The following ERI3 variants were observed in gnomAD, a reference collection of about 807,000 sequenced individuals.
ERI3 encodes ERI1 exoribonuclease 3.
ERI3 carries 18 observed loss-of-function variants against 44.4 expected under a neutral mutation model. The ratio of observed to expected loss-of-function variants is 0.41; its 90% CI spans 0.28 to 0.60. ERI3 has a LOEUF of 0.60. ERI3 is among the 20% of genes least tolerant of loss of function. The pLI is 0.36. For synonymous variants in ERI3, 183 were observed against 164.8 expected (o/e 1.11, Z -0.84); for missense variants, 294 against 435.5 (o/e 0.68, Z 2.89).
At chr1:44,296,993 C>T (rs1447937672) in intron 6 of ERI3, among the ~76,000 whole-genome samples, 1 of 152,200 alleles carries the variant, frequency 6.6e-6, no homozygotes, top group Non-Finnish European at 1.5e-5. Context: ...TGTTTGCAGT[C>T]AGCACCGTGA....
At chr1:44,298,141 T>C (rs534942951) in intron 6 of ERI3, among the ~76,000 whole-genome samples, 1 of 152,340 alleles carries the variant, frequency 6.6e-6, no homozygotes, top group Non-Finnish European at 1.5e-5. Flanking sequence ...TCTGGGAAGT[T>C]TTCTTTCTTT....
At chr1:44,300,793 C>T (rs959823773) in intron 6 of ERI3, among the ~76,000 whole-genome samples, 3 of 152,182 alleles carry the variant, frequency 2.0e-5, no homozygotes, top group Non-Finnish European at 2.9e-5. Context: ...CAGGCAGAGG[C>T]GGAGCACCCC....
chr1:44,310,963 G>GCGCGTGCGCGCGCGCACACACACACACA (rs1373873768), intron 5 of ERI3, among the ~76,000 whole-genome samples: 1 of 123,202 alleles, frequency 8.1e-6, no homozygotes, highest in Non-Finnish European at 1.7e-5. Flanking sequence ...GCGCGCGCGC[G>GCGCGTGCGCGCGCGCACACACACACACA]CACACACACA....
chr1:44,337,264 AG>A (rs1243906717), intron 3 of ERI3, among the ~76,000 whole-genome samples: 3 of 152,268 alleles, frequency 2.0e-5, no homozygotes, highest in African/African-American at 7.2e-5. Context: ...ATGAGGGATC[AG>A]AAGAGGGATG....
At chr1:44,350,157 G>C (rs1417697741) in intron 2 of ERI3, among the ~76,000 whole-genome samples, 2 of 152,176 alleles carry the variant, frequency 1.3e-5, no homozygotes, top group East Asian at 3.8e-4. Context: ...TACAGTTCAA[G>C]AAGTTCGAAT....
In ERI3 at chr1:44,313,258, A is replaced by G. The variant is rs754023077; in HGVS notation, c.607-30T>C. 2.5e-6 allele frequency: 4 copies of G among 1,611,260 alleles called. No individual in the cohort carries two copies. The South Asian group carries it at 4.4e-5, about 18-fold the overall frequency. On this transcript the variant is annotated intron_variant, in intron 4 of 8. Coordinates refer to ENST00000372257, the MANE Select transcript of ERI3 (RefSeq NM_024066.3). ...AAGGAAAGAGAAATAGCCGATGGGT[A>G]GAAAACCAGGGTGAAGGGACTCAAG...
At chr1:44,339,409 C>T in intron 2 of ERI3, 87 bp from the exon 3 acceptor site, 1 of 1,367,340 alleles carries the variant, frequency 7.3e-7, no homozygotes, top group Admixed American at 2.7e-5. Context: ...TACTCCCTCC[C>T]ACTGTGGCCC....
At chr1:44,328,076 C>A (rs925694279) in intron 3 of ERI3, among the ~76,000 whole-genome samples, 3 of 152,228 alleles carry the variant, frequency 2.0e-5, no homozygotes, top group Non-Finnish European at 2.9e-5. Context: ...CAGAATACTG[C>A]ATGCCTGTGG....
At chr1:44,260,141 G>C (rs1644864806) in intron 7 of ERI3, among the ~76,000 whole-genome samples, 1 of 152,194 alleles carries the variant, frequency 6.6e-6, no homozygotes. Flanking sequence ...AACTCAAACA[G>C]AATCACATGT....
chr1:44,287,742 T>C (rs1226467197), intron 6 of ERI3, among the ~76,000 whole-genome samples: 3 of 152,374 alleles, frequency 2.0e-5, no homozygotes, highest in South Asian at 4.1e-4. Context: ...TTCTATTTCC[T>C]TCAATCTTTC....
chr1:44,285,677 C>T (rs1214985866), intron 6 of ERI3, among the ~76,000 whole-genome samples: 1 of 152,100 alleles, frequency 6.6e-6, no homozygotes, highest in Non-Finnish European at 1.5e-5. Context: ...TAACAAGGGT[C>T]AGGAACTTAC....
chr1:44,352,420 AG>A (rs1646912520), intron 2 of ERI3, among the ~76,000 whole-genome samples: 1 of 128,906 alleles, frequency 7.8e-6, no homozygotes, highest in Non-Finnish European at 1.7e-5. Flanking sequence ...ATAGATAGAT[AG>A]ATAGATAGAT....
At chr1:44,283,439 G>C (rs1376516155) in intron 7 of ERI3, among the ~76,000 whole-genome samples, 1 of 152,196 alleles carries the variant, frequency 6.6e-6, no homozygotes, top group Non-Finnish European at 1.5e-5. Flanking sequence ...CTGACTGCTG[G>C]GCTTCTCAGC....
rs1397612442 is a variant in ERI3, at chr1:44,235,567, GAA to G, written c.931+12370_931+12371del. Among the ~76,000 whole-genome samples the G allele has an allele frequency of 6.6e-6, 1 of 152,200 alleles. No homozygotes were observed. Among genetic ancestry groups the G allele is most frequent in the African/African-American group, 2.4e-5 (1 of 41,450 alleles). On this transcript the variant is annotated intron_variant, in intron 8 of 8. Transcript: ENST00000372257. This position sits in a 1 kb window ranked among gnomAD's most constrained non-coding sequence, Gnocchi z 4.6. ...GAAGGAAGGAAGGACTAGAGGAAAA[GAA>G]AGAGGGGCAAGATCACACGCAAACC...
At chr1:44,233,810 T>C (rs1380033138) in intron 8 of ERI3, among the ~76,000 whole-genome samples, 1 of 152,182 alleles carries the variant, frequency 6.6e-6, no homozygotes. Flanking sequence ...GTACCCAATC[T>C]CTCCTCCCTT....
At chr1:44,327,341 G>A (rs1646337605) in intron 3 of ERI3, among the ~76,000 whole-genome samples, 1 of 152,214 alleles carries the variant, frequency 6.6e-6, no homozygotes, top group African/African-American at 2.4e-5. Context: ...AGCAGGGCCT[G>A]CCTCCCAGTC....
chr1:44,241,934 TC>T lies in ERI3; in HGVS notation c.931+6004del. The T allele has an allele frequency of 5.1e-6, 5 of 985,662 alleles. No individual in the cohort carries two copies. Among genetic ancestry groups the T allele is most frequent in the Non-Finnish European group, 6.0e-6 (5 of 829,840 alleles). The allele number at this position is 985,662 out of a possible 1,614,324, so 61.1% of individuals were successfully genotyped here. A position where few individuals can be genotyped will look rare whatever the true frequency, so the allele number is the denominator to read the frequency against. On this transcript the variant is annotated intron_variant, in intron 8 of 8. Transcript: ENST00000372257. This position sits in a 1 kb window ranked among gnomAD's most constrained non-coding sequence, Gnocchi z 5.6. Reference sequence around the variant, plus strand: ...ACTCACCCATCCATCTAGCCATTCTTCCATCTATGGTTGCTACTGAAGAACA... The same window carrying T: ...ACTCACCCATCCATCTAGCCATTCTTCATCTATGGTTGCTACTGAAGAACA...
At chr1:44,236,582 G>T (rs1644309849) in intron 8 of ERI3, among the ~76,000 whole-genome samples, 1 of 152,014 alleles carries the variant, frequency 6.6e-6, no homozygotes, top group Non-Finnish European at 1.5e-5. Flanking sequence ...GGGCTCTGGG[G>T]GAAAATAAAG....
chr1:44,239,036 C>A (rs569274457), intron 8 of ERI3, among the ~76,000 whole-genome samples: 11 of 151,906 alleles, frequency 7.2e-5, no homozygotes, highest in South Asian at 4.2e-4. Context: ...CCCCCTCCCC[C>A]CCCCAATCCA....
Sources: allele counts gnomAD v4.1 joint callset (sites outside exome capture counted in the v4.1 genomes callset), GRCh38; gene constraint gnomAD v4.1.1; non-coding constraint Gnocchi (gnomAD v3.1); transcripts MANE v1.5; gene names NCBI Gene and HGNC (gene_info 2026-07-23, HGNC 2026-07-21).